RELN: variants seen among roughly 807,000 people sequenced by gnomAD.
The protein encoded by RELN is reelin.
A neutral mutation model predicts 427.6 loss-of-function variants in RELN; 108 were observed. The observed-to-expected ratio is 0.25, with a 90% CI of 0.22 to 0.30. The LOEUF (loss-of-function observed/expected upper bound fraction) is 0.30. Among genes scored for constraint, RELN ranks in the 10% least tolerant of loss-of-function variants. The pLI is 1.00. For missense variants in RELN, 3,715 were observed against 4,302.8 expected (o/e 0.86, Z 3.82); for synonymous variants, 1,524 against 1,513.4 (o/e 1.01, Z -0.16).
rs9792003 is a variant in RELN, at chr7:103,872,056, T to C, written c.338-38384A>G. Among the ~76,000 whole-genome samples, 42 of 146,386 alleles carry C rather than the reference T, an allele frequency of 2.9e-4. 1 individual carries two copies. The highest frequency in any genetic ancestry group is 2.0e-4 in the Admixed American group (3 of 14,738). On this transcript the variant is annotated intron_variant, in intron 2 of 64. Transcript: ENST00000428762. ...TTTTTCTTTTTTCTTTTTTTTCTTT[T>C]TTTATTTATTTATTTTTTTATTATA... is the stretch of plus-strand genomic sequence containing the variant.
At chr7:103,932,634 G>C (rs1473150631) in intron 1 of RELN, among the ~76,000 whole-genome samples, 1 of 152,172 alleles carries the variant, frequency 6.6e-6, no homozygotes, top group Non-Finnish European at 1.5e-5. Context: ...CCTATTCGTT[G>C]GCTTTGGAGT....
chr7:103,486,981 C>T (rs903325045), intron 60 of RELN, among the ~76,000 whole-genome samples: 2 of 152,298 alleles, frequency 1.3e-5, no homozygotes, highest in South Asian at 4.1e-4. Context: ...GCACTATTCA[C>T]AACAGCAAAG....
intron 1 of RELN, among the ~76,000 whole-genome samples, chr7:103,973,021 T>C (rs1425497307): frequency 1.3e-5 from 2 of 152,122 alleles, no homozygotes; most frequent in Non-Finnish European, 2.9e-5. Context: ...ATCCAGTTGT[T>C]TCACAACAGA....
chr7:103,757,967 AT>A (rs1297736068), intron 4 of RELN, among the ~76,000 whole-genome samples: 4 of 152,222 alleles, frequency 2.6e-5, no homozygotes, highest in Non-Finnish European at 4.4e-5. Flanking sequence ...ATCAAACTGA[AT>A]TTCTACATTT....
chr7:103,755,540 G>A (rs550901019), intron 4 of RELN, among the ~76,000 whole-genome samples: 4 of 151,534 alleles, frequency 2.6e-5, no homozygotes, highest in Admixed American at 1.3e-4. Context: ...CCCAGGAGGC[G>A]GAGCTTGCAG....
chr7:103,801,414 G>A (rs900199883), intron 3 of RELN, among the ~76,000 whole-genome samples: 2 of 152,182 alleles, frequency 1.3e-5, no homozygotes, highest in African/African-American at 4.8e-5. Flanking sequence ...AAAAGGATGA[G>A]TTCATGTCGT....
At chr7:103,979,055 G>T (rs780768442) in intron 1 of RELN, among the ~76,000 whole-genome samples, 1 of 152,074 alleles carries the variant, frequency 6.6e-6, no homozygotes, top group Non-Finnish European at 1.5e-5. Context: ...TTGTATAAAG[G>T]CTCCTTTGAG....
intron 57 of RELN, among the ~76,000 whole-genome samples, chr7:103,492,990 C>G (rs1017442484): frequency 6.6e-6 from 1 of 152,104 alleles, no homozygotes; most frequent in Non-Finnish European, 1.5e-5. Flanking sequence ...TTAGAATGAT[C>G]GGTTGAATTT....
intron 59 of RELN, among the ~76,000 whole-genome samples, 181 bp downstream of exon 59, chr7:103,490,486 AT>A (rs1828613044): frequency 6.6e-6 from 1 of 152,204 alleles, no homozygotes; most frequent in Non-Finnish European, 1.5e-5. Flanking sequence ...CTCCTGGAAC[AT>A]GCAGTTGCCA....
intron 1 of RELN, among the ~76,000 whole-genome samples, chr7:103,951,559 C>T (rs1199192732): frequency 6.6e-6 from 1 of 152,208 alleles, no homozygotes; most frequent in Non-Finnish European, 1.5e-5. Flanking sequence ...TTTGCCACCC[C>T]TCAGTGCAGC....
chr7:103,798,230 C>A (rs543540013), intron 3 of RELN, among the ~76,000 whole-genome samples: 2 of 152,268 alleles, frequency 1.3e-5, no homozygotes, highest in African/African-American at 4.8e-5. Flanking sequence ...AATTTGAAAA[C>A]AAATATGTAT....
chr7:103,794,761 A>G (rs1411863332), intron 3 of RELN, among the ~76,000 whole-genome samples: 3 of 152,110 alleles, frequency 2.0e-5, no homozygotes, highest in Non-Finnish European at 2.9e-5. Context: ...TTTCCTGTGC[A>G]TTGTAGAATA....
chr7:103,837,198 G>A (rs913326728), intron 2 of RELN, among the ~76,000 whole-genome samples: 1 of 152,070 alleles, frequency 6.6e-6, no homozygotes, highest in Non-Finnish European at 1.5e-5. Context: ...AGGTCTCTCT[G>A]TCCTGTCTCA....
intron 20 of RELN, among the ~76,000 whole-genome samples, chr7:103,624,642 G>A (rs535407475): frequency 6.6e-6 from 1 of 152,240 alleles, no homozygotes; most frequent in East Asian, 1.9e-4. Context: ...TGGCCAGGCT[G>A]GTCTCGAACT....
intron 40 of RELN, among the ~76,000 whole-genome samples, chr7:103,552,487 T>C (rs1047149598): frequency 5.9e-5 from 9 of 151,338 alleles, no homozygotes; most frequent in Admixed American, 2.7e-4. Context: ...TAGGCACTTG[T>C]TTCTTCCTGA....
chr7:103,503,399 G>A (rs890885768), intron 51 of RELN, among the ~76,000 whole-genome samples, 169 bp from the exon 52 acceptor site: 1 of 152,212 alleles, frequency 6.6e-6, no homozygotes, highest in East Asian at 1.9e-4. Context: ...AAGTCACCAT[G>A]ATTGCCCCAG....
At chr7:103,671,976 T>C (rs1833402632) in intron 11 of RELN, among the ~76,000 whole-genome samples, 1 of 152,162 alleles carries the variant, frequency 6.6e-6, no homozygotes, top group Non-Finnish European at 1.5e-5. Flanking sequence ...AATCCCTCTA[T>C]AGCCTTATGA....
At chr7:103,838,208 C>CAAAAAAAAA (rs58553259) in intron 2 of RELN, among the ~76,000 whole-genome samples, 2 of 81,082 alleles carry the variant, frequency 2.5e-5, no homozygotes, top group African/African-American at 1.0e-4. Context: ...GACTTCGTCT[C>CAAAAAAAAA]AAAAAAAAAA....
rs376125825 is a variant in RELN, at chr7:103,901,793, GT to G, written c.337+15281del. Among the ~76,000 whole-genome samples the G allele has an allele frequency of 7.9e-3, 1,203 of 152,110 alleles. 10 individuals are homozygous for G. The highest frequency in any genetic ancestry group is 0.014 in the Non-Finnish European group (922 of 67,928). ...AATAGATACAGGATTTTTTTCTGTA[GT>G]GTTAAAAATCTTTTCAAATTAGTGG... On this transcript the variant is annotated intron_variant, in intron 2 of 64. Transcript: ENST00000428762.
Sources: gnomAD v4.1 joint callset for allele counts (sites outside exome capture counted in the v4.1 genomes callset) on GRCh38, gnomAD v4.1.1 for gene constraint, MANE v1.5 for transcripts, NCBI Gene and HGNC (gene_info 2026-07-23, HGNC 2026-07-21) for gene names.